The following RNF149 variants were observed in gnomAD, a reference collection of about 807,000 sequenced individuals.
RNF149 encodes E3 ubiquitin-protein ligase RNF149.
In RNF149, 21 loss-of-function variants were observed where a neutral mutation model predicts 39.0. The ratio of observed to expected loss-of-function variants is 0.54; its 90% confidence interval spans 0.38 to 0.77. The LOEUF (loss-of-function observed/expected upper bound fraction) is 0.77. RNF149 is among the 30% of genes least tolerant of loss of function. The pLI is 0.00. For synonymous variants in RNF149, 209 were observed against 213.6 expected (o/e 0.98, Z 0.19); for missense variants, 493 against 534.9 (o/e 0.92, Z 0.77).
chr2:101,297,555 C>T (rs2104423470), intron 1 of RNF149, among the ~76,000 whole-genome samples: 1 of 151,902 alleles, frequency 6.6e-6, no homozygotes, highest in Middle Eastern at 3.4e-3. Flanking sequence ...GATGGGGTCT[C>T]ACTATGTTGC....
chr2:101,287,280 C>T lies in RNF149; in HGVS notation c.864-1103G>A, dbSNP rs534513116. ...GAGGTTGTAGTGAGCCAAGATCACA[C>T]CCCTTGTACTCCAGTCTGGGCAACA... On this transcript the variant is annotated intron_variant, in intron 4 of 6. Transcript: ENST00000295317. Among the ~76,000 whole-genome samples, 4 of 152,236 alleles carry T rather than the reference C, an allele frequency of 2.6e-5. 1 individual carries two copies. Among genetic ancestry groups the T allele is most frequent in the African/African-American group, 9.6e-5 (4 of 41,534 alleles).
At chr2:101,278,541 T>C (rs1311827100) in intron 6 of RNF149, among the ~76,000 whole-genome samples, 1 of 152,212 alleles carries the variant, frequency 6.6e-6, no homozygotes, top group African/African-American at 2.4e-5. Context: ...ACAAAATTTG[T>C]ATTTACTGTT....
chr2:101,277,375 C>A (rs1682385454), intron 6 of RNF149, 94 bp from the exon 7 acceptor site: 4 of 1,472,602 alleles, frequency 2.7e-6, no homozygotes, highest in Admixed American at 2.7e-5. Flanking sequence ...GGAGATAATT[C>A]AAGATGGTAA....
intron 1 of RNF149, among the ~76,000 whole-genome samples, chr2:101,302,692 A>C (rs1683500553): frequency 6.6e-6 from 1 of 152,156 alleles, no homozygotes; most frequent in Admixed American, 6.5e-5. Context: ...TTCAAAACTC[A>C]ACCTCGGCCA....
chr2:101,292,800 T>C (rs546311484), intron 3 of RNF149, among the ~76,000 whole-genome samples: 80 of 152,092 alleles, frequency 5.3e-4, no homozygotes, highest in Non-Finnish European at 1.1e-3. Context: ...AATTTCCTGC[T>C]AAGGAGGGTA....
Position 101,295,097 on chromosome 2 carries a change from G to A in RNF149, c.545C>T (p.Thr182Met), listed in dbSNP as rs771117976. Residue 182 changes from threonine to methionine, a missense_variant, in exon 2 of 7, where the codon ACG becomes ATG. Transcript: ENST00000295317. The stretch of plus-strand genomic sequence containing the variant: ...CCGGGTGCCAACCCCTATGGTCATC[G>A]TTACTGGAATTCCTTTTTGCACCAG... The part of the protein sequence containing the change: ...LELVQKGIPV[T>M]MTIGVGTRHV... 3.7e-6 allele frequency: 6 copies of A among 1,614,010 alleles called. No homozygotes were observed. The highest frequency in any genetic ancestry group is 3.3e-5 in the South Asian group (3 of 91,080).
At chr2:101,297,541 T>A (rs1683282028) in intron 1 of RNF149, among the ~76,000 whole-genome samples, 1 of 124,794 alleles carries the variant, frequency 8.0e-6, no homozygotes, top group East Asian at 2.8e-4. Flanking sequence ...CATTTTTTTT[T>A]AGAGATGGGG....
intron 1 of RNF149, chr2:101,307,729 C>G (rs1235816297): frequency 1.4e-6 from 1 of 736,316 alleles, no homozygotes; most frequent in East Asian, 1.3e-4. Flanking sequence ...GAAGGGACAA[C>G]CGATCGTGGG....
intron 6 of RNF149, among the ~76,000 whole-genome samples, chr2:101,277,805 G>C (rs1180863136): frequency 1.3e-5 from 2 of 152,196 alleles, no homozygotes; most frequent in African/African-American, 4.8e-5. Flanking sequence ...CATTAGCCTA[G>C]CCAACATTAA....
intron 6 of RNF149, 125 bp downstream of exon 6, chr2:101,281,734 C>T (rs547780654): frequency 5.9e-6 from 7 of 1,193,554 alleles, no homozygotes; most frequent in South Asian, 4.2e-5. Context: ...TTTCTGGTTA[C>T]TTACTCTTCG....
At chr2:101,282,156 C>A in intron 5 of RNF149, 99 bp from the exon 6 acceptor site, 1 of 1,494,308 alleles carries the variant, frequency 6.7e-7, no homozygotes, top group Admixed American at 2.2e-5. Flanking sequence ...ATATTACGTA[C>A]TTCTGTACAA....
intron 1 of RNF149, among the ~76,000 whole-genome samples, chr2:101,302,825 A>T (rs1308930363): frequency 1.3e-5 from 2 of 152,086 alleles, no homozygotes; most frequent in Non-Finnish European, 2.9e-5. Context: ...CAAAACATTT[A>T]AAAAATTAGC....
intron 6 of RNF149, among the ~76,000 whole-genome samples, chr2:101,279,034 G>T (rs1420518051): frequency 1.3e-5 from 2 of 152,186 alleles, no homozygotes; most frequent in East Asian, 3.8e-4. Context: ...AAGTATTAAT[G>T]CCTGATTTTT....
intron 1 of RNF149, among the ~76,000 whole-genome samples, chr2:101,300,326 C>T (rs117940587): frequency 4.0e-5 from 6 of 151,798 alleles, no homozygotes; most frequent in African/African-American, 1.5e-4. Context: ...GAGTGGGAGA[C>T]AGAAGATTAA....
rs796359283 is a variant in RNF149, at chr2:101,291,157, AT to A, written c.781-2103del. Among the ~76,000 whole-genome samples, 442 of 148,048 alleles carry A rather than the reference AT, an allele frequency of 3.0e-3. 3 individuals are homozygous for A. Among genetic ancestry groups the A allele is most frequent in the Middle Eastern group, 0.01 (3 of 290 alleles). ...CATTTTATTATTAATTAATTAATTA[AT>A]TTTTTTTTTTTGAGACGGAGTCTCG... On this transcript the variant is annotated intron_variant, in intron 3 of 6. Coordinates refer to ENST00000295317, the MANE Select transcript of RNF149 (RefSeq NM_173647.4).
chr2:101,297,896 A>G (rs1683297948), intron 1 of RNF149, among the ~76,000 whole-genome samples: 1 of 152,244 alleles, frequency 6.6e-6, no homozygotes, highest in South Asian at 2.1e-4. Context: ...TTCCTTGGTA[A>G]CAAATGAAAA....
chr2:101,294,998 G>A lies in RNF149; in HGVS notation c.644C>T (p.Ser215Leu), dbSNP rs574716905. The change falls in exon 2 of 7, where the codon TCG (serine) becomes TTG (leucine). Residue 215 changes from serine to leucine, a missense_variant. Physicochemically the swap from Ser to Leu is moderately radical, Grantham distance 145. Coordinates refer to ENST00000295317, the MANE Select transcript of RNF149 (RefSeq NM_173647.4). ...AIAFITMMII[S>L]LAWLIFYYIQ... is the part of the protein sequence containing the mutation. The stretch of plus-strand genomic sequence containing the variant: ...ATAGTAAAATATTAGCCAGGCTAAC[G>A]AGATAATCATCATGGTGATGAAGGC... 34 of 1,613,788 alleles carry A rather than the reference G, an allele frequency of 2.1e-5. No individual in the cohort carries two copies. The highest frequency in any genetic ancestry group is 1.8e-4 in the South Asian group (16 of 91,066).
chr2:101,283,742 C>T (rs1190296868), intron 5 of RNF149, among the ~76,000 whole-genome samples: 1 of 152,070 alleles, frequency 6.6e-6, no homozygotes, highest in Non-Finnish European at 1.5e-5. Context: ...AGCAACTCAA[C>T]CTTATGTGAG....
chr2:101,272,667 A>G (rs1682171592), downstream of RNF149, among the ~76,000 whole-genome samples: 1 of 152,236 alleles, frequency 6.6e-6, no homozygotes, highest in African/African-American at 2.4e-5. Context: ...ACTAAAACAT[A>G]TAATTACCTC....
Sources: gnomAD v4.1 joint callset for allele counts (sites outside exome capture counted in the v4.1 genomes callset) on GRCh38, gnomAD v4.1.1 for gene constraint, MANE v1.5 for transcripts, NCBI Gene and HGNC (gene_info 2026-07-23, HGNC 2026-07-21) for gene names.